Variants in NCOA3 observed in about 807,000 individuals in gnomAD.
NCOA3 encodes CBP-interacting protein.
In NCOA3, 51 loss-of-function variants were observed where a neutral mutation model predicts 158.8. That is an observed-to-expected ratio of 0.32 (90% CI 0.26 to 0.41). The LOEUF (loss-of-function observed/expected upper bound fraction) is 0.41, where lower values mean the gene tolerates loss of function less well. NCOA3 is among the 10% of genes least tolerant of loss of function. The probability of loss-of-function intolerance (pLI) is 1.00; values close to 1 mark genes in which losing one functional copy is unlikely to be tolerated. For synonymous variants in NCOA3, 537 were observed against 592.4 expected (o/e 0.91, Z 1.36); for missense variants, 1,510 against 1,746.6 (o/e 0.86, Z 2.41).
At chr20:47,537,463 A>G (rs2084653786) in intron 1 of NCOA3, among the ~76,000 whole-genome samples, 1 of 151,892 alleles carries the variant, frequency 6.6e-6, no homozygotes. Flanking sequence ...TGTTGGGAAA[A>G]CAGGTGTGAG....
rs78242348 is a variant in NCOA3 at position 47,549,416 on chromosome 20, G to A, written c.-98-33767G>A. 7.0e-3 allele frequency among the ~76,000 whole-genome samples: 1,059 copies of A among 151,534 alleles called. 17 individuals carry two copies. Among genetic ancestry groups the A allele is most frequent in the African/African-American group, 0.024 (1,003 of 41,326 alleles). ...ATGTGGTTAAAAAAAAATTTATCTGGGCACAGGATGACAGGTACCTGCGGT... is the reference window on the plus strand; with the variant it reads ...ATGTGGTTAAAAAAAAATTTATCTGAGCACAGGATGACAGGTACCTGCGGT... On this transcript the variant is annotated intron_variant, in intron 1 of 22. Coordinates refer to ENST00000371998, the MANE Select transcript of NCOA3 (RefSeq NM_181659.3).
At chr20:47,606,096 A>G (rs1230817933) in intron 2 of NCOA3, among the ~76,000 whole-genome samples, 1 of 152,170 alleles carries the variant, frequency 6.6e-6, no homozygotes, top group African/African-American at 2.4e-5. Context: ...CCTCTACTGT[A>G]GCCTCCCAAA....
At chr20:47,512,667 T>C (rs2084166106) in intron 1 of NCOA3, among the ~76,000 whole-genome samples, 1 of 150,500 alleles carries the variant, frequency 6.6e-6, no homozygotes, top group Non-Finnish European at 1.5e-5. Context: ...ATGCTCAACA[T>C]CAGCCATTAG....
intron 1 of NCOA3, among the ~76,000 whole-genome samples, chr20:47,565,384 G>A (rs1329122153): frequency 6.6e-6 from 1 of 152,070 alleles, no homozygotes; most frequent in Non-Finnish European, 1.5e-5. Context: ...GGAGGATCTC[G>A]ATTATTTAGT....
intron 2 of NCOA3, among the ~76,000 whole-genome samples, chr20:47,603,836 G>GCC (rs1396591028): frequency 6.6e-6 from 1 of 152,164 alleles, no homozygotes; most frequent in Non-Finnish European, 1.5e-5. Context: ...TCCTTGTGGA[G>GCC]CCGGGGGCTT....
chr20:47,603,078 A>T (rs576801476), intron 2 of NCOA3, among the ~76,000 whole-genome samples: 50 of 152,342 alleles, frequency 3.3e-4, no homozygotes, highest in African/African-American at 1.2e-3. Flanking sequence ...AATTCTTTTG[A>T]CAGAGAAGTG....
chr20:47,535,287 A>G (rs1291659126), intron 1 of NCOA3, among the ~76,000 whole-genome samples: 1 of 152,150 alleles, frequency 6.6e-6, no homozygotes, highest in Admixed American at 6.6e-5. Flanking sequence ...TTGACTCCAT[A>G]GCAGCATCTA....
At chr20:47,652,836 A>T (rs147363354) in intron 21 of NCOA3, 95 bp from the exon 22 acceptor site, 2 of 1,384,194 alleles carry the variant, frequency 1.4e-6, no homozygotes, top group African/African-American at 2.8e-5. Context: ...GCTTAAGTAT[A>T]GCAATGTTTG....
intron 2 of NCOA3, among the ~76,000 whole-genome samples, chr20:47,602,919 T>G (rs1421915801): frequency 1.3e-5 from 2 of 151,762 alleles, no homozygotes; most frequent in South Asian, 2.1e-4. Context: ...TAGTGAAGGG[T>G]TTTTTTTAGG....
At chr20:47,585,909 G>A (rs185578870) in intron 2 of NCOA3, among the ~76,000 whole-genome samples, 68 of 150,996 alleles carry the variant, frequency 4.5e-4, no homozygotes, top group African/African-American at 1.5e-3. Context: ...GAACATGGCA[G>A]AGAACTATCT....
intron 8 of NCOA3, chr20:47,631,523 A>AT (rs1412150091): frequency 1.3e-5 from 2 of 152,186 alleles, no homozygotes; most frequent in Non-Finnish European, 2.9e-5. Context: ...ATTTCATAGT[A>AT]TTTTTGAGTA....
chr20:47,555,117 C>T (rs1238491169), intron 1 of NCOA3, among the ~76,000 whole-genome samples: 2 of 152,142 alleles, frequency 1.3e-5, no homozygotes, highest in South Asian at 2.1e-4. Context: ...AAAGGATTCC[C>T]TATTTACACT....
intron 1 of NCOA3, among the ~76,000 whole-genome samples, chr20:47,548,231 G>T (rs1017107373): frequency 7.6e-6 from 1 of 131,614 alleles, no homozygotes; most frequent in African/African-American, 3.0e-5. Flanking sequence ...AATAAAAAAA[G>T]GTTCCTTTAA....
chr20:47,505,829 T>A (rs2084024005), intron 1 of NCOA3, among the ~76,000 whole-genome samples: 1 of 128,468 alleles, frequency 7.8e-6, no homozygotes, highest in Non-Finnish European at 1.6e-5. Flanking sequence ...TGAGACAGAG[T>A]CTCACTCTGT....
intron 1 of NCOA3, among the ~76,000 whole-genome samples, chr20:47,553,275 C>T (rs2084950441): frequency 6.6e-6 from 1 of 152,068 alleles, no homozygotes; most frequent in South Asian, 2.1e-4. Flanking sequence ...CTAACTAGTT[C>T]CTCTGCTTTC....
intron 1 of NCOA3, among the ~76,000 whole-genome samples, chr20:47,520,588 G>T (rs2084313470): frequency 6.6e-6 from 1 of 152,166 alleles, no homozygotes; most frequent in Non-Finnish European, 1.5e-5. Context: ...TTTCCTGGAA[G>T]ACTCAACCTC....
At chr20:47,590,806 G>A (rs1325883802) in intron 2 of NCOA3, among the ~76,000 whole-genome samples, 5 of 151,768 alleles carry the variant, frequency 3.3e-5, no homozygotes, top group Admixed American at 2.0e-4. Flanking sequence ...CCAAGACCCT[G>A]CCTCAAAACA....
intron 2 of NCOA3, among the ~76,000 whole-genome samples, chr20:47,593,421 A>C (rs1160574172): frequency 6.0e-5 from 8 of 133,042 alleles, no homozygotes; most frequent in Non-Finnish European, 3.0e-5. Flanking sequence ...GGCTCACTGC[A>C]AGCTCCACCT....
chr20:47,643,774 A>C (rs948545114), intron 17 of NCOA3, among the ~76,000 whole-genome samples: 1 of 151,366 alleles, frequency 6.6e-6, no homozygotes, highest in Non-Finnish European at 1.5e-5. Flanking sequence ...ACCCTCCTAC[A>C]TGTCTGGCTA....
Sources: gnomAD v4.1 joint callset for allele counts (sites outside exome capture counted in the v4.1 genomes callset) on GRCh38, gnomAD v4.1.1 for gene constraint, MANE v1.5 for transcripts, NCBI Gene and HGNC (gene_info 2026-07-23, HGNC 2026-07-21) for gene names.